The following MPP7 variants were observed in gnomAD, a reference collection of about 807,000 sequenced individuals.
MPP7 encodes the protein MAGUK p55 scaffold protein 7.
In MPP7, 60 loss-of-function variants were observed where a neutral mutation model predicts 76.5. The observed-to-expected ratio is 0.78, with a 90% CI of 0.64 to 0.97. The LOEUF (loss-of-function observed/expected upper bound fraction) is 0.97, where lower values mean the gene tolerates loss of function less well. Among genes scored for constraint, MPP7 ranks in the 50% least tolerant of loss-of-function variants. The pLI, the probability that MPP7 is intolerant of heterozygous loss-of-function variation, is 0.00. For synonymous variants in MPP7, 237 were observed against 244.5 expected (o/e 0.97, Z 0.29); for missense variants, 641 against 694.0 (o/e 0.92, Z 0.86).
intron 11 of MPP7, among the ~76,000 whole-genome samples, chr10:28,107,894 A>G (rs1834373746): frequency 6.6e-6 from 1 of 152,212 alleles, no homozygotes; most frequent in Non-Finnish European, 1.5e-5. Flanking sequence ...GTGTTAATGG[A>G]TGTACCGGGT....
intron 5 of MPP7, among the ~76,000 whole-genome samples, chr10:28,136,755 A>G (rs1371056104): frequency 2.6e-5 from 4 of 152,200 alleles, no homozygotes; most frequent in Non-Finnish European, 4.4e-5. Flanking sequence ...CTGCAGAAGG[A>G]AAAGTAATAC....
chr10:28,232,394 T>C (rs1357452059), intron 2 of MPP7, among the ~76,000 whole-genome samples: 2 of 139,358 alleles, frequency 1.4e-5, no homozygotes, highest in African/African-American at 3.0e-5. Context: ...CACACACAAA[T>C]TGATTGGTAA....
At chr10:28,057,737 T>C (rs1253697687) in intron 15 of MPP7, 1 of 1,287,160 alleles carries the variant, frequency 7.8e-7, no homozygotes, top group South Asian at 1.2e-5. Flanking sequence ...GAAACACTTT[T>C]ACTCCAGATT....
chr10:28,180,759 C>T (rs1418684862), intron 3 of MPP7, among the ~76,000 whole-genome samples: 9 of 152,272 alleles, frequency 5.9e-5, no homozygotes, highest in South Asian at 4.1e-4. Context: ...GTGGGGAGAA[C>T]TCCCACCACC....
chr10:28,063,385 C>G (rs562685669), intron 13 of MPP7, among the ~76,000 whole-genome samples: 1 of 151,930 alleles, frequency 6.6e-6, no homozygotes, highest in Admixed American at 6.6e-5. Context: ...TCACTTGAAC[C>G]CAGGAGGTGG....
chr10:28,056,392 C>T, intron 16 of MPP7, 88 bp downstream of exon 16: 1 of 1,391,230 alleles, frequency 7.2e-7, no homozygotes, highest in Non-Finnish European at 9.8e-7. Flanking sequence ...CTCCTGGACT[C>T]AAATGATCCT....
Position 28,120,336 on chromosome 10 carries a change from A to G in MPP7, c.745T>C (p.Cys249Arg). Residue 249 changes from cysteine (C) to arginine (R), a missense_variant, in exon 10 of 17, where the codon TGT becomes CGT. Transcript: ENST00000683449. ...YNPNEDKAIPCKEAGLSFKKG... is the reference protein window; with the variant it reads ...YNPNEDKAIPRKEAGLSFKKG... ...TTGAAAGAAAGCCCAGCTTCCTTACATGGAATTGCCTTATCCTCATTAGGA... is the reference window on the plus strand; with the variant it reads ...TTGAAAGAAAGCCCAGCTTCCTTACGTGGAATTGCCTTATCCTCATTAGGA... 6.2e-7 allele frequency: 1 copy of G among 1,614,100 alleles called. No individual in the cohort carries two copies. Among genetic ancestry groups the G allele is most frequent in the South Asian group, 1.1e-5 (1 of 91,084 alleles).
intron 1 of MPP7, among the ~76,000 whole-genome samples, chr10:28,297,382 G>A (rs528211638): frequency 6.6e-6 from 1 of 152,280 alleles, no homozygotes; most frequent in South Asian, 2.1e-4. Flanking sequence ...AAAGATGGAT[G>A]GCTGTGGCAA....
intron 3 of MPP7, among the ~76,000 whole-genome samples, chr10:28,155,435 C>CTTGCTTG (rs1836020632): frequency 6.6e-6 from 1 of 151,744 alleles, no homozygotes; most frequent in African/African-American, 2.4e-5. Flanking sequence ...ACAAAAAATA[C>CTTGCTTG]AGAAATTGGC....
At chr10:28,303,821 G>T (rs1259281967), upstream of MPP7, among the ~76,000 whole-genome samples, 1 of 152,110 alleles carries the variant, frequency 6.6e-6, no homozygotes, top group Non-Finnish European at 1.5e-5. Context: ...TGGTATCAGC[G>T]CCCTTCAGCT....
chr10:28,324,410 A>G (rs113917540), intron 2 of MPP7, among the ~76,000 whole-genome samples: 55 of 152,322 alleles, frequency 3.6e-4, no homozygotes, highest in Non-Finnish European at 7.2e-4. Context: ...ACAGACTAAG[A>G]CAATAGAAAA....
chr10:28,214,951 G>C (rs1838260537), intron 2 of MPP7, among the ~76,000 whole-genome samples: 1 of 152,060 alleles, frequency 6.6e-6, no homozygotes, highest in Admixed American at 6.6e-5. Context: ...TCTAAGATCA[G>C]TGCTTGAGAT....
chr10:28,209,485 A>G (rs1190458459), intron 2 of MPP7, among the ~76,000 whole-genome samples: 2 of 148,380 alleles, frequency 1.3e-5, no homozygotes, highest in Non-Finnish European at 3.0e-5. Flanking sequence ...AAAAAAAAAA[A>G]CTATGTGTGT....
At chr10:28,199,664 T>C (rs944490299) in intron 3 of MPP7, among the ~76,000 whole-genome samples, 1 of 152,162 alleles carries the variant, frequency 6.6e-6, no homozygotes, top group Non-Finnish European at 1.5e-5. Context: ...TGGAGCATAG[T>C]AGTGTGATCT....
intron 11 of MPP7, among the ~76,000 whole-genome samples, chr10:28,109,847 G>GCAAAA (rs1834439165): frequency 3.3e-4 from 1 of 3,008 alleles, no homozygotes; most frequent in Non-Finnish European, 9.2e-4. Flanking sequence ...AGCCGCAGAC[G>GCAAAA]CAAAAAAAAA....
At chr10:28,056,001 A>G (rs1286857778) in intron 16 of MPP7, among the ~76,000 whole-genome samples, 22 of 152,212 alleles carry the variant, frequency 1.4e-4, no homozygotes. Flanking sequence ...TCCCAAGTAC[A>G]TGCAGCTGTA....
intron 1 of MPP7, among the ~76,000 whole-genome samples, chr10:28,295,815 C>T (rs1355744441): frequency 1.3e-5 from 2 of 152,202 alleles, no homozygotes; most frequent in Admixed American, 1.3e-4. Flanking sequence ...GACTTTTCTC[C>T]CCAACTCAAG....
intron 3 of MPP7, among the ~76,000 whole-genome samples, chr10:28,197,504 C>A (rs143579226): frequency 6.6e-6 from 1 of 152,160 alleles, no homozygotes; most frequent in East Asian, 1.9e-4. Flanking sequence ...ACTCCTATAC[C>A]GAATGCAGGT....
intron 12 of MPP7, among the ~76,000 whole-genome samples, chr10:28,078,955 G>C (rs888816182): frequency 6.6e-6 from 1 of 152,106 alleles, no homozygotes; most frequent in East Asian, 1.9e-4. Flanking sequence ...TACATGCAAA[G>C]ATTCTTTTAT....
Sources: allele counts gnomAD v4.1 joint callset (sites outside exome capture counted in the v4.1 genomes callset), GRCh38; gene constraint gnomAD v4.1.1; transcripts MANE v1.5; gene names NCBI Gene and HGNC (gene_info 2026-07-23, HGNC 2026-07-21).